The following GOLM1 variants were observed in gnomAD, a reference collection of about 807,000 sequenced individuals.
GOLM1 encodes the protein golgi membrane protein 1.
Under a neutral mutation model 50.5 loss-of-function variants are expected in GOLM1, and 31 were observed. That is an observed-to-expected ratio of 0.61 (90% CI 0.46 to 0.83). The LOEUF is 0.83. GOLM1 is among the 40% of genes least tolerant of loss of function. The pLI, the probability that GOLM1 is intolerant of heterozygous loss-of-function variation, is 0.00. For synonymous variants in GOLM1, 178 were observed against 192.8 expected, an observed-to-expected ratio of 0.92 and a Z score of 0.64; for missense variants, 491 against 501.3, an observed-to-expected ratio of 0.98 and a Z score of 0.20.
At chr9:86,053,652 GCTACACCACT>G (rs1833880567) in intron 3 of GOLM1, among the ~76,000 whole-genome samples, 1 of 2,404 alleles carries the variant, frequency 4.2e-4, no homozygotes, top group Non-Finnish European at 9.9e-4. Flanking sequence ...ACCACACCAT[GCTACACCACT>G]CCACACACGG....
At chr9:86,092,272 T>C (rs1240465344) in intron 1 of GOLM1, among the ~76,000 whole-genome samples, 1 of 152,222 alleles carries the variant, frequency 6.6e-6, no homozygotes, top group Non-Finnish European at 1.5e-5. Context: ...CAACAAATCA[T>C]TTCTAGATTC....
intron 7 of GOLM1, 29 bp from the exon 8 acceptor site, chr9:86,035,654 C>T: frequency 7.2e-7 from 1 of 1,389,418 alleles, no homozygotes; most frequent in Non-Finnish European, 9.8e-7. Context: ...TAGCTGTGAC[C>T]TTGCCAGCAT....
At chr9:86,046,703 G>A in intron 4 of GOLM1, 131 bp from the exon 5 acceptor site, 1 of 662,998 alleles carries the variant, frequency 1.5e-6, no homozygotes, top group Non-Finnish European at 2.8e-6. Context: ...AAGGAGGGGA[G>A]AGAGAAAAAG....
intron 4 of GOLM1, among the ~76,000 whole-genome samples, chr9:86,046,796 C>A (rs562464534): frequency 1.3e-5 from 2 of 152,172 alleles, no homozygotes; most frequent in African/African-American, 4.8e-5. Context: ...AAAGAAGCTG[C>A]GTCTTGATCC....
intron 1 of GOLM1, among the ~76,000 whole-genome samples, chr9:86,082,737 G>A (rs1834824516): frequency 6.6e-6 from 1 of 152,204 alleles, no homozygotes. Flanking sequence ...ATCACACCTG[G>A]CCCCCAGCCC....
At chr9:86,036,073 C>A (rs1833132839) in intron 7 of GOLM1, among the ~76,000 whole-genome samples, 2 of 152,094 alleles carry the variant, frequency 1.3e-5, no homozygotes, top group Admixed American at 1.3e-4. Context: ...CAGCCGCCTC[C>A]CCCGAGTCCC....
intron 6 of GOLM1, among the ~76,000 whole-genome samples, chr9:86,038,089 G>C (rs540649936): frequency 6.6e-6 from 1 of 151,812 alleles, no homozygotes; most frequent in African/African-American, 2.4e-5. Context: ...GGGAGGCAGA[G>C]GTTGTGGTGA....
chr9:86,061,106 C>CA (rs1834150600), intron 3 of GOLM1, among the ~76,000 whole-genome samples: 1 of 152,004 alleles, frequency 6.6e-6, no homozygotes, highest in African/African-American at 2.4e-5. Context: ...TGAAGCTTGG[C>CA]ACTGGATGTG....
intron 3 of GOLM1, among the ~76,000 whole-genome samples, chr9:86,053,719 A>ACATACCCCACAT (rs1449395086): frequency 7.5e-6 from 1 of 133,266 alleles, no homozygotes; most frequent in Non-Finnish European, 1.5e-5. Flanking sequence ...CCACCGCATC[A>ACATACCCCACAT]CAGACTGCTC....
At position 86,054,519 on chromosome 9, in the gene GOLM1, C is replaced by T. The variant is rs60040822; in HGVS notation, c.310-1928G>A. Among the ~76,000 whole-genome samples, 65 of 152,256 alleles carry T rather than the reference C, an allele frequency of 4.3e-4. No homozygotes were observed. In the East Asian group the frequency reaches 0.011, roughly 26 times the overall value. On this transcript the variant is annotated intron_variant, in intron 3 of 9. Transcript: ENST00000388712. ...GATTACAGGCGTGAGCCACTGCGCC[C>T]GGCCTCATGTATTCTTCTTGACAGT...
At chr9:86,029,799 T>G (rs1832912990) in intron 9 of GOLM1, among the ~76,000 whole-genome samples, 3 of 152,216 alleles carry the variant, frequency 2.0e-5, no homozygotes, top group Admixed American at 2.0e-4. Context: ...CTTACCTACT[T>G]ACTTTGTTTA....
chr9:86,026,839 AAAC>A lies in GOLM1; in HGVS notation c.*975_*977del, dbSNP rs1489315656. The A allele has an allele frequency of 2.0e-5, 20 of 980,468 alleles. No individual in the cohort carries two copies. The highest frequency in any genetic ancestry group is 5.3e-5 in the African/African-American group (3 of 57,124). 60.7% of individuals were successfully genotyped at this position (980,468 alleles called of 1,614,324 possible). A position where few individuals can be genotyped will look rare whatever the true frequency, so the allele number is the denominator to read the frequency against. On this transcript the variant is annotated 3_prime_UTR_variant, in exon 10 of 10. Coordinates refer to ENST00000388712, the MANE Select transcript of GOLM1 (RefSeq NM_016548.4). ...AAGCTAAATGTGTACACTATGATAA[AAAC>A]AACCATTGTATTCCTGTTTTTCTAA... is the stretch of plus-strand genomic sequence containing the variant.
At chr9:86,030,981 G>A (rs1175716034) in intron 9 of GOLM1, among the ~76,000 whole-genome samples, 1 of 152,218 alleles carries the variant, frequency 6.6e-6, no homozygotes, top group Non-Finnish European at 1.5e-5. Flanking sequence ...GGAGGCCAAG[G>A]CAGGCGGATC....
rs1438948172 is a variant in GOLM1 at position 86,032,694 on chromosome 9, TG to T, written c.1129+587del. On this transcript the variant is annotated intron_variant, in intron 9 of 9. Coordinates refer to ENST00000388712, the MANE Select transcript of GOLM1 (RefSeq NM_016548.4). ...TGACGTATTAATATCAAAAGGAAAA[TG>T]GCCTTCTGAGACCTTGTGGGCACCA... is the stretch of plus-strand genomic sequence containing the variant. Among the ~76,000 whole-genome samples the T allele has an allele frequency of 7.9e-5, 12 of 152,176 alleles. No individual in the cohort carries two copies. In the East Asian group the frequency reaches 2.3e-3, roughly 29 times the overall value.
chr9:86,062,294 A>C (rs1013925188), intron 3 of GOLM1, among the ~76,000 whole-genome samples: 1 of 152,092 alleles, frequency 6.6e-6, no homozygotes, highest in Non-Finnish European at 1.5e-5. Flanking sequence ...ACATAAGCAC[A>C]GGGTTGATGG....
At chr9:86,081,597 G>C (rs536754285) in intron 1 of GOLM1, among the ~76,000 whole-genome samples, 28 of 152,096 alleles carry the variant, frequency 1.8e-4, no homozygotes, top group Admixed American at 1.3e-4. Flanking sequence ...ACACACAGTA[G>C]AGTATAAATT....
chr9:86,095,186 T>A (rs553942412), intron 1 of GOLM1, among the ~76,000 whole-genome samples: 1 of 152,086 alleles, frequency 6.6e-6, no homozygotes, highest in African/African-American at 2.4e-5. Flanking sequence ...CTGCCAGCCA[T>A]CTATTTTTGT....
chr9:86,054,283 T>C (rs964639220), intron 3 of GOLM1, among the ~76,000 whole-genome samples: 13 of 151,986 alleles, frequency 8.6e-5, no homozygotes, highest in African/African-American at 2.9e-4. Flanking sequence ...TTTTTTTTTT[T>C]TGAGACAGAG....
chr9:86,037,593 A>C (rs527326704), intron 6 of GOLM1, among the ~76,000 whole-genome samples: 64 of 152,300 alleles, frequency 4.2e-4, no homozygotes, highest in African/African-American at 1.1e-3. Flanking sequence ...CTCACGTGAG[A>C]AGCTTAAAAG....
Sources: allele counts gnomAD v4.1 joint callset (sites outside exome capture counted in the v4.1 genomes callset), GRCh38; gene constraint gnomAD v4.1.1; transcripts MANE v1.5; gene names NCBI Gene and HGNC (gene_info 2026-07-23, HGNC 2026-07-21).